The following CLIC5 variants were observed in gnomAD, a reference collection of about 807,000 sequenced individuals.
CLIC5 encodes the protein CLIC family member 5.
Under a neutral mutation model 24.7 loss-of-function variants are expected in CLIC5, and 20 were observed. The ratio of observed to expected loss-of-function variants is 0.81; its 90% CI spans 0.57 to 1.18. The LOEUF (loss-of-function observed/expected upper bound fraction) is 1.18, where lower values mean the gene tolerates loss of function less well. CLIC5 is among the 50% of genes most tolerant of loss of function. The pLI, the probability that CLIC5 is intolerant of heterozygous loss-of-function variation, is 0.00. For synonymous variants in CLIC5, 159 were observed against 135.6 expected (o/e 1.17, Z -1.20); for missense variants, 341 against 326.1 (o/e 1.05, Z -0.35).
chr6:45,987,300 A>G (rs1028083869), intron 1 of CLIC5, among the ~76,000 whole-genome samples: 1 of 152,136 alleles, frequency 6.6e-6, no homozygotes, highest in African/African-American at 2.4e-5. Context: ...GCTGCCCTTT[A>G]AAGTTAGATT....
chr6:46,106,845 G>A, the CLIC5 span, among the ~76,000 whole-genome samples: 2 of 152,220 alleles, frequency 1.3e-5, no homozygotes, highest in Non-Finnish European at 2.9e-5. Flanking sequence ...ACCTATGTGA[G>A]AAAGATAAAC....
intron 1 of CLIC5, among the ~76,000 whole-genome samples, chr6:46,026,839 T>G (rs1048023122): frequency 2.0e-5 from 3 of 151,864 alleles, no homozygotes; most frequent in African/African-American, 7.3e-5. Flanking sequence ...GAAAATACAA[T>G]TGAAATAAAG....
At chr6:45,908,838 C>T (rs1167418569) in intron 5 of CLIC5, among the ~76,000 whole-genome samples, 1 of 152,082 alleles carries the variant, frequency 6.6e-6, no homozygotes, top group African/African-American at 2.4e-5. Flanking sequence ...TAGTTTTCTG[C>T]CTCGAAGATC....
At chr6:45,949,986 T>A (rs182906389) in intron 2 of CLIC5, among the ~76,000 whole-genome samples, 77 of 152,310 alleles carry the variant, frequency 5.1e-4, no homozygotes, top group African/African-American at 1.8e-3. Context: ...CCTGATATGG[T>A]CTTTGGGTAG....
chr6:45,948,766 AT>A (rs1358780879), intron 3 of CLIC5, among the ~76,000 whole-genome samples: 1 of 151,900 alleles, frequency 6.6e-6, no homozygotes, highest in South Asian at 2.1e-4. Context: ...CTTTTAGTTG[AT>A]TTTTTTCATC....
intron 1 of CLIC5, among the ~76,000 whole-genome samples, chr6:46,078,839 A>T (rs1215288655): frequency 2.0e-5 from 3 of 152,246 alleles, no homozygotes; most frequent in Non-Finnish European, 4.4e-5. Context: ...GTTTCATCAG[A>T]AATGTTACTG....
chr6:46,057,359 G>T (rs949692740), intron 1 of CLIC5, among the ~76,000 whole-genome samples: 2 of 152,052 alleles, frequency 1.3e-5, no homozygotes, highest in Admixed American at 1.3e-4. Flanking sequence ...ATTTTCTCTG[G>T]CCACCGCCAT....
chr6:45,937,357 T>C (rs529258529), intron 4 of CLIC5: 5 of 152,340 alleles, frequency 3.3e-5, no homozygotes, highest in African/African-American at 9.6e-5. Context: ...CGCTGAGTTA[T>C]AAAATAGATG....
intron 1 of CLIC5, among the ~76,000 whole-genome samples, chr6:46,055,566 C>T (rs1397191797): frequency 6.6e-6 from 1 of 152,230 alleles, no homozygotes; most frequent in Non-Finnish European, 1.5e-5. Flanking sequence ...AAAAATTTCA[C>T]TTTTTGATTT....
intron 1 of CLIC5, among the ~76,000 whole-genome samples, chr6:46,050,665 T>C (rs190849663): frequency 7.2e-5 from 11 of 152,318 alleles, no homozygotes; most frequent in African/African-American, 2.2e-4. Context: ...GGGAAATGGG[T>C]GCTTTGTCTT....
intron 1 of CLIC5, among the ~76,000 whole-genome samples, chr6:46,065,130 A>G (rs1438048510): frequency 3.3e-5 from 5 of 152,210 alleles, no homozygotes; most frequent in African/African-American, 1.2e-4. Flanking sequence ...GTGCTTCACC[A>G]AAGAAGACAG....
At chr6:46,048,094 C>T (rs1186050910) in intron 1 of CLIC5, among the ~76,000 whole-genome samples, 1 of 151,812 alleles carries the variant, frequency 6.6e-6, no homozygotes, top group African/African-American at 2.4e-5. Flanking sequence ...CCTCTACATC[C>T]CTGGTTCAAG....
At chr6:45,920,468 G>T (rs1763212337) in intron 4 of CLIC5, 1 of 363,406 alleles carries the variant, frequency 2.8e-6, no homozygotes. Context: ...TAACCAAAGG[G>T]TGCAAAAAAA....
At chr6:46,059,860 G>A (rs1035843480) in intron 1 of CLIC5, among the ~76,000 whole-genome samples, 2 of 152,196 alleles carry the variant, frequency 1.3e-5, no homozygotes, top group African/African-American at 4.8e-5. Context: ...GCCTGAGTTT[G>A]TGGGGTATTG....
chr6:45,954,316 AAGG>A (rs1053797114), intron 2 of CLIC5, among the ~76,000 whole-genome samples: 12 of 151,970 alleles, frequency 7.9e-5, no homozygotes, highest in Non-Finnish European at 1.2e-4. Context: ...TAGAAGAAAA[AAGG>A]AGTTCAAGAA....
At chr6:45,970,401 A>G (rs1205174794) in intron 1 of CLIC5, among the ~76,000 whole-genome samples, 4 of 152,182 alleles carry the variant, frequency 2.6e-5, no homozygotes, top group Non-Finnish European at 5.9e-5. Context: ...TGGCTGAGTT[A>G]TATGTTCAAG....
chr6:45,960,437 T>C (rs994576382), intron 1 of CLIC5, among the ~76,000 whole-genome samples: 13 of 152,192 alleles, frequency 8.5e-5, no homozygotes, highest in Admixed American at 8.5e-4. Context: ...AAAGTTAGGC[T>C]TTCTCACCAG....
intron 4 of CLIC5, among the ~76,000 whole-genome samples, chr6:45,915,622 T>C (rs1228332346): frequency 1.3e-5 from 2 of 152,224 alleles, no homozygotes; most frequent in Non-Finnish European, 2.9e-5. Context: ...GTCATGATTA[T>C]GACTCAAGGA....
chr6:45,932,246 A>AT (rs200630660), intron 4 of CLIC5, among the ~76,000 whole-genome samples: 3,183 of 152,220 alleles, frequency 0.021, 124 homozygotes, highest in African/African-American at 0.073. Flanking sequence ...AGTAGATGGG[A>AT]TATAGGCACA....
Sources: gnomAD v4.1 joint callset for allele counts (sites outside exome capture counted in the v4.1 genomes callset) on GRCh38, gnomAD v4.1.1 for gene constraint, MANE v1.5 for transcripts, NCBI Gene and HGNC (gene_info 2026-07-23, HGNC 2026-07-21) for gene names.